Variants in CYP11B1 observed in about 807,000 individuals in gnomAD.
CYP11B1 encodes cytochrome P450 family 11 subfamily B member 1, also known as cytochrome P450 11B1, mitochondrial.
A neutral mutation model predicts 48.3 loss-of-function variants in CYP11B1; 34 were observed. That is an observed-to-expected ratio of 0.70 (90% CI 0.54 to 0.94). CYP11B1 has a LOEUF of 0.94. Among genes scored for constraint, CYP11B1 ranks in the 40% least tolerant of loss-of-function variants. The pLI is 0.00. For synonymous variants in CYP11B1, 291 were observed against 262.5 expected (o/e 1.11, Z -1.05); for missense variants, 688 against 657.4 (o/e 1.05, Z -0.51).
intron 2 of CYP11B1, chr8:142,877,667 G>C: frequency 7.2e-7 from 1 of 1,396,848 alleles, no homozygotes; most frequent in Non-Finnish European, 9.9e-7. Context: ...CCCTGCCCTG[G>C]GCACAGTGCC....
Position 142,875,717 on chromosome 8 carries a change from G to A in CYP11B1, c.1116C>T (p.Thr372=). The change falls in exon 6 of 9, where the codon ACC becomes ACT. Residue 372 remains threonine, a synonymous_variant. Coordinates refer to ENST00000292427, the MANE Select transcript of CYP11B1 (RefSeq NM_000497.4). ...LPLLRAALKE[T]LRLYPVGLFL... is the part of the protein sequence containing the mutation. The stretch of plus-strand genomic sequence containing the variant: ...AGGCCTCAGCCAGCACCCACCGCAA[G>A]GTCTCCTTGAGGGCCGCACGCAGCA... 1 of 1,613,906 alleles carries A rather than the reference G, an allele frequency of 6.2e-7. No homozygotes were observed. The highest frequency in any genetic ancestry group is 8.5e-7 in the Non-Finnish European group (1 of 1,179,972).
rs1406127391 is a variant in CYP11B1, at chr8:142,874,218, T to C, written c.*155A>G. On this transcript the variant is annotated 3_prime_UTR_variant, in exon 9 of 9. Coordinates refer to ENST00000292427, the MANE Select transcript of CYP11B1 (RefSeq NM_000497.4). ...TGCTGCTTAGCCTGGCAAACCCTGG[T>C]CCTAGAGGCCCTCGGGAGTTCCATT... The C allele has an allele frequency of 4.4e-6, 3 of 685,792 alleles. No homozygotes were observed. Among genetic ancestry groups the C allele is most frequent in the East Asian group, 5.4e-5 (2 of 37,228 alleles). The allele number at this position is 685,792 out of a possible 1,614,324, so 42.5% of individuals were successfully genotyped here. A position where few individuals can be genotyped will look rare whatever the true frequency, so the allele number is the denominator to read the frequency against.
At chr8:142,875,943 C>T in intron 5 of CYP11B1, 65 bp from the exon 6 acceptor site, 1 of 1,592,104 alleles carries the variant, frequency 6.3e-7, no homozygotes. Flanking sequence ...GGACACCCCT[C>T]CCAGGACAAC....
chr8:142,876,115 A>G (rs1816938967), intron 5 of CYP11B1, 126 bp downstream of exon 5: 4 of 1,373,674 alleles, frequency 2.9e-6, no homozygotes, highest in Middle Eastern at 1.8e-4. Flanking sequence ...TCACAATCCC[A>G]AGTAAGAAAT....
At chr8:142,876,145 G>A (rs1816940144) in intron 5 of CYP11B1, 96 bp downstream of exon 5, 3 of 1,522,546 alleles carry the variant, frequency 2.0e-6, no homozygotes, top group Middle Eastern at 1.8e-4. Context: ...ATAGCCTGGG[G>A]ATGGGACACG....
In CYP11B1 at chr8:142,877,032, T is replaced by C; in HGVS notation, c.586A>G (p.Thr196Ala). The change falls in exon 3 of 9, where the codon ACC (threonine) becomes GCC (alanine). Residue 196 changes from threonine to alanine, a missense_variant. Physicochemically the swap from Thr to Ala is moderately conservative, Grantham distance 58. Coordinates refer to ENST00000292427, the MANE Select transcript of CYP11B1 (RefSeq NM_000497.4). Reference sequence around the variant, plus strand: ...CCCACGTGGCCCACACCTTCTATGGTGTAGTGGAAGATGCTGGGCTGGACG... The same window carrying C: ...CCCACGTGGCCCACACCTTCTATGGCGTAGTGGAAGATGCTGGGCTGGACG... ...LDVQPSIFHY[T>A]IEASNLALFG... 6.2e-7 allele frequency: 1 copy of C among 1,613,402 alleles called. No homozygotes were observed. Among genetic ancestry groups the C allele is most frequent in the South Asian group, 1.1e-5 (1 of 90,980 alleles).
At chr8:142,874,923 C>T (rs1466358475) in intron 8 of CYP11B1, 34 bp downstream of exon 8, 9 of 1,609,720 alleles carry the variant, frequency 5.6e-6, no homozygotes, top group Non-Finnish European at 7.6e-6. Context: ...GCCCAGACCC[C>T]GCCCAGGCCC....
rs531928599 is a variant in CYP11B1, at chr8:142,874,065, C to T, written c.*308G>A. ...ACCACAGCACCCTTGTATGGCCACA[C>T]GAGGAGCCTGGAGCCAGCACTGGGA... On this transcript the variant is annotated 3_prime_UTR_variant, in exon 9 of 9. Coordinates refer to ENST00000292427, the MANE Select transcript of CYP11B1 (RefSeq NM_000497.4). 97 of 462,484 alleles carry T rather than the reference C, an allele frequency of 2.1e-4. No homozygotes were observed. The highest frequency in any genetic ancestry group is 1.8e-3 in the South Asian group (86 of 46,958). 28.6% of individuals were successfully genotyped at this position (462,484 alleles called of 1,614,324 possible).
Position 142,874,937 on chromosome 8 carries a change from C to A in CYP11B1, c.1398+20G>T. 1 of 1,611,920 alleles carries A rather than the reference C, an allele frequency of 6.2e-7. No homozygotes were observed. Among genetic ancestry groups the A allele is most frequent in the South Asian group, 1.1e-5 (1 of 90,998 alleles). ...TGCCCAGACCCCGCCCAGGCCCCTC[C>A]CCAGCCCGGGCCTGCTCACATGGTG... On this transcript the variant is annotated intron_variant, in intron 8 of 8. Transcript: ENST00000292427.
rs184751303 is a variant in CYP11B1, at chr8:142,873,522, C to G, written c.*851G>C. On this transcript the variant is annotated 3_prime_UTR_variant, in exon 9 of 9. Transcript: ENST00000292427. ...CAACCAGAGAAATGAGTCAATAAAA[C>G]TCGTCTGAGTCCTTGTTGGCCCAAT... 21 of 152,354 alleles carry G rather than the reference C, an allele frequency of 1.4e-4. No homozygotes were observed. Among genetic ancestry groups the G allele is most frequent in the African/African-American group, 5.1e-4 (21 of 41,584 alleles). The allele number at this position is 152,354 out of a possible 1,614,324, so 9.4% of individuals were successfully genotyped here.
intron 6 of CYP11B1, 65 bp from the exon 7 acceptor site, chr8:142,875,377 C>T (rs1267126864): frequency 3.3e-6 from 5 of 1,512,340 alleles, no homozygotes; most frequent in Middle Eastern, 2.3e-4. Flanking sequence ...CTCTCTGCAC[C>T]CTTCCTACCG....
intron 8 of CYP11B1, 151 bp downstream of exon 8, chr8:142,874,806 A>G (rs1310319956): frequency 2.0e-6 from 2 of 991,218 alleles, no homozygotes; most frequent in African/African-American, 1.6e-5. Flanking sequence ...CACAGCCTCA[A>G]CCTGGCCCAG....
Position 142,875,034 on chromosome 8 carries a change from C to A in CYP11B1, c.1321G>T (p.Val441Leu), listed in dbSNP as rs781052848. ...IRGSGRNFYH[V>L]PFGFGMRQCL... ...TGGCGCATGCCAAAGCCAAAGGGCA[C>A]GTGGTAGAAGTTCCTGCCGGAGCCC... The change falls in exon 8 of 9, where the codon GTG becomes TTG. Residue 441 changes from valine (V) to leucine (L), a missense_variant. By Grantham distance (32) the Val-to-Leu change is conservative. Coordinates refer to ENST00000292427, the MANE Select transcript of CYP11B1 (RefSeq NM_000497.4). 3 of 1,614,238 alleles carry A rather than the reference C, an allele frequency of 1.9e-6. No homozygotes were observed. Among genetic ancestry groups the A allele is most frequent in the Non-Finnish European group, 8.5e-7 (1 of 1,180,050 alleles).
In CYP11B1 at chr8:142,876,283, G is replaced by C. The variant is rs751843934; in HGVS notation, c.912C>G (p.Ile304Met). Residue 304 changes from isoleucine (I) to methionine (M), a missense_variant, in exon 5 of 9, where the codon ATC becomes ATG. Transcript: ENST00000292427. ...CAGTGAGTTCCATAGAGTTGGCCTT[G>C]ATGGCATCTGGCGACAGTTCCGCAT... is the stretch of plus-strand genomic sequence containing the variant. ...LLNAELSPDA[I>M]KANSMELTAG... 1.1e-5 allele frequency: 18 copies of C among 1,614,246 alleles called. No homozygotes were observed. Among genetic ancestry groups the C allele is most frequent in the Non-Finnish European group, 1.4e-5 (17 of 1,180,046 alleles).
rs61752796 is a variant in CYP11B1, at chr8:142,874,949, C to G, written c.1398+8G>C. 1.9e-6 allele frequency: 3 copies of G among 1,612,832 alleles called. No individual in the cohort carries two copies. In the African/African-American group the frequency reaches 4.0e-5, roughly 22 times the overall value. ...GCCCAGGCCCCTCCCCAGCCCGGGC[C>G]TGCTCACATGGTGCAGCAGCAGCAG... On this transcript the variant is annotated splice_region_variant and intron_variant, in intron 8 of 8. Coordinates refer to ENST00000292427, the MANE Select transcript of CYP11B1 (RefSeq NM_000497.4).
Position 142,873,918 on chromosome 8 carries a change from A to C in CYP11B1, c.*455T>G. The C allele has an allele frequency of 4.0e-6, 1 of 250,496 alleles. No homozygotes were observed. The highest frequency in any genetic ancestry group is 8.0e-6 in the Non-Finnish European group (1 of 125,560). The allele number at this position is 250,496 out of a possible 1,614,324, so 15.5% of individuals were successfully genotyped here. A position where few individuals can be genotyped will look rare whatever the true frequency, so the allele number is the denominator to read the frequency against. On this transcript the variant is annotated 3_prime_UTR_variant, in exon 9 of 9. Coordinates refer to ENST00000292427, the MANE Select transcript of CYP11B1 (RefSeq NM_000497.4). ...GCCTAGGGGTCAGGCTGCAGGAGGGAACTTGACTGGACTCTGAGATGCTGG... is the reference window on the plus strand; with the variant it reads ...GCCTAGGGGTCAGGCTGCAGGAGGGCACTTGACTGGACTCTGAGATGCTGG...
In CYP11B1 at chr8:142,874,942, C is replaced by A. The variant is rs780198531; in HGVS notation, c.1398+15G>T. On this transcript the variant is annotated intron_variant, in intron 8 of 8. Coordinates refer to ENST00000292427, the MANE Select transcript of CYP11B1 (RefSeq NM_000497.4). Reference sequence around the variant, plus strand: ...AGACCCCGCCCAGGCCCCTCCCCAGCCCGGGCCTGCTCACATGGTGCAGCA... The same window carrying A: ...AGACCCCGCCCAGGCCCCTCCCCAGACCGGGCCTGCTCACATGGTGCAGCA... 1.9e-6 allele frequency: 3 copies of A among 1,612,228 alleles called. No individual in the cohort carries two copies. The South Asian group carries it at 3.3e-5, about 18-fold the overall frequency.
In CYP11B1 at chr8:142,876,872, A is replaced by G; in HGVS notation, c.609T>C (p.Ala203=). The change falls in exon 4 of 9, where the codon GCT becomes GCC. Residue 203 remains alanine (A), a synonymous_variant. Transcript: ENST00000292427. ...CCAGGCCCAGCCGCTCTCCAAAAAG[A>G]GCCAAGTTGCTGGCTGCGGGGAGGA... The part of the protein sequence containing the change: ...FHYTIEASNL[A]LFGERLGLVG... The G allele has an allele frequency of 6.2e-7, 1 of 1,614,144 alleles. No individual in the cohort carries two copies. The highest frequency in any genetic ancestry group is 8.5e-7 in the Non-Finnish European group (1 of 1,180,012).
At position 142,875,107 on chromosome 8, in the gene CYP11B1, C is replaced by T. The variant is rs1816893427; in HGVS notation, c.1248G>A (p.Leu416=). Residue 416 remains leucine (L), a synonymous_variant, in exon 8 of 9, where the codon TTG becomes TTA. Transcript: ENST00000292427. ...FLYSLGRNPA[L]FPRPERYNPQ... ...GGTTATAGCGCTCAGGCCTCGGGAA[C>T]AAGGCGGGGTTGCGACCCAGAGAGT... 2 of 1,614,144 alleles carry T rather than the reference C, an allele frequency of 1.2e-6. No individual in the cohort carries two copies. The highest frequency in any genetic ancestry group is 1.7e-6 in the Non-Finnish European group (2 of 1,180,048).
Sources: gnomAD v4.1 joint callset for allele counts on GRCh38, gnomAD v4.1.1 for gene constraint, MANE v1.5 for transcripts, NCBI Gene and HGNC (gene_info 2026-07-23, HGNC 2026-07-21) for gene names.